Variants in DHRS9 observed in about 807,000 individuals in gnomAD.
The protein encoded by DHRS9 is dehydrogenase/reductase SDR family member 9.
In DHRS9, 18 loss-of-function variants were observed where a neutral mutation model predicts 26.6. The observed-to-expected ratio is 0.68, with a 90% CI of 0.47 to 1.00. The LOEUF (loss-of-function observed/expected upper bound fraction) is 1.00, where lower values mean the gene tolerates loss of function less well. Among genes scored for constraint, DHRS9 ranks in the 50% least tolerant of loss-of-function variants. The pLI is 0.00. For synonymous variants in DHRS9, 134 were observed against 141.1 expected, an observed-to-expected ratio of 0.95 and a Z score of 0.36; for missense variants, 425 against 378.7, an observed-to-expected ratio of 1.12 and a Z score of -1.01.
At chr2:169,071,148 A>G (rs1423650250) in intron 1 of DHRS9, among the ~76,000 whole-genome samples, 3 of 152,202 alleles carry the variant, frequency 2.0e-5, no homozygotes, top group Non-Finnish European at 4.4e-5. Context: ...TGAAGTTTTA[A>G]ACACACTTTT....
intron 1 of DHRS9, chr2:169,074,589 A>C (rs1683909304): frequency 6.3e-6 from 2 of 318,064 alleles, no homozygotes; most frequent in South Asian, 1.2e-4. Flanking sequence ...TTTATTTCTC[A>C]GTGGTCAATG....
At chr2:169,092,548 G>C (rs1488222562) in intron 4 of DHRS9, among the ~76,000 whole-genome samples, 1 of 152,240 alleles carries the variant, frequency 6.6e-6, no homozygotes. Flanking sequence ...AATGGTGCTA[G>C]ATGGTGTGGT....
At position 169,075,010 on chromosome 2, in the gene DHRS9, A is replaced by G. The variant is rs532584914; in HGVS notation, c.-60+5293A>G. 2.0e-5 allele frequency among the ~76,000 whole-genome samples: 3 copies of G among 152,278 alleles called. No homozygotes were observed. The East Asian group carries it at 5.8e-4, about 29-fold the overall frequency. On this transcript the variant is annotated intron_variant, in intron 1 of 4. Transcript: ENST00000674881. Reference sequence around the variant, plus strand: ...GGGGGAAGCAGAATGGACAAGGAGTAAAGAGGGAATCCAACTACTTAGATT... The same window carrying G: ...GGGGGAAGCAGAATGGACAAGGAGTGAAGAGGGAATCCAACTACTTAGATT...
chr2:169,089,177 G>A (rs1684443455), intron 3 of DHRS9, among the ~76,000 whole-genome samples: 1 of 152,238 alleles, frequency 6.6e-6, no homozygotes, highest in African/African-American at 2.4e-5. Flanking sequence ...ATACAATCTA[G>A]GGGCTAATGA....
chr2:169,078,101 G>T (rs1299403290), intron 1 of DHRS9, among the ~76,000 whole-genome samples: 1 of 152,214 alleles, frequency 6.6e-6, no homozygotes, highest in African/African-American at 2.4e-5. Flanking sequence ...TCCTATAGTG[G>T]AAGGACACAG....
intron 1 of DHRS9, among the ~76,000 whole-genome samples, chr2:169,071,063 C>G (rs921668738): frequency 1.5e-5 from 2 of 133,134 alleles, no homozygotes; most frequent in African/African-American, 5.6e-5. Flanking sequence ...GACTCCGTCT[C>G]AAAAAAAAAA....
At chr2:169,079,506 A>C (rs1047835032) in intron 1 of DHRS9, among the ~76,000 whole-genome samples, 1 of 152,272 alleles carries the variant, frequency 6.6e-6, no homozygotes, top group South Asian at 2.1e-4. Flanking sequence ...AGCAGAAAAA[A>C]ATAAATGATT....
At chr2:169,088,542 G>A (rs1684422846) in intron 3 of DHRS9, among the ~76,000 whole-genome samples, 1 of 152,066 alleles carries the variant, frequency 6.6e-6, no homozygotes, top group Non-Finnish European at 1.5e-5. Flanking sequence ...TGTTCCTGTG[G>A]GGAGGATGAT....
chr2:169,073,657 C>G (rs1274868922), intron 1 of DHRS9, among the ~76,000 whole-genome samples: 2 of 152,126 alleles, frequency 1.3e-5, no homozygotes, highest in African/African-American at 4.8e-5. Context: ...ATATCAGCCT[C>G]TTATCCTCCT....
At chr2:169,091,994 G>T (rs772047145) in intron 4 of DHRS9, 41 bp downstream of exon 4, 4 of 1,597,272 alleles carry the variant, frequency 2.5e-6, no homozygotes. Context: ...AGAATTCTTT[G>T]TCCTGAACAG....
chr2:169,084,362 G>A (rs533325344), intron 3 of DHRS9, among the ~76,000 whole-genome samples: 2 of 152,130 alleles, frequency 1.3e-5, no homozygotes, highest in Non-Finnish European at 2.9e-5. Context: ...ACCCAGCAGC[G>A]GTATTGCTGG....
chr2:169,093,143 T>C (rs1008372481), intron 4 of DHRS9, among the ~76,000 whole-genome samples: 69 of 152,062 alleles, frequency 4.5e-4, no homozygotes, highest in African/African-American at 1.6e-3. Flanking sequence ...TTGAGCAGGG[T>C]TCCACCTAAC....
chr2:169,075,934 C>G (rs145153572), intron 1 of DHRS9, among the ~76,000 whole-genome samples: 2 of 152,258 alleles, frequency 1.3e-5, no homozygotes, highest in East Asian at 1.9e-4. Context: ...CCATTATTCT[C>G]TCTTTAATTT....
intron 1 of DHRS9, among the ~76,000 whole-genome samples, chr2:169,077,766 T>G (rs1419330288): frequency 6.6e-6 from 1 of 152,178 alleles, no homozygotes; most frequent in Admixed American, 6.5e-5. Flanking sequence ...TAGGGGCTGG[T>G]AACCCAGTTT....
rs559631113 is a variant in DHRS9 at position 169,094,841 on chromosome 2, C to T, written c.737-703C>T. Among the ~76,000 whole-genome samples the T allele has an allele frequency of 2.0e-5, 3 of 152,294 alleles. No individual in the cohort carries two copies. The East Asian group carries it at 5.8e-4, about 29-fold the overall frequency. ...AAAAGACTGGGGTTGTAATCCACCA[C>T]TAATCCCTTGTAAAATCCCTGCCTC... On this transcript the variant is annotated intron_variant, in intron 4 of 4. Coordinates refer to ENST00000674881, the MANE Select transcript of DHRS9 (RefSeq NM_001376924.1).
At chr2:169,078,483 AGC>A (rs1684032354) in intron 1 of DHRS9, among the ~76,000 whole-genome samples, 1 of 152,260 alleles carries the variant, frequency 6.6e-6, no homozygotes, top group African/African-American at 2.4e-5. Context: ...GCCAGATTTG[AGC>A]AAAACGCTAT....
At chr2:169,072,491 A>G in intron 1 of DHRS9, 1 of 490,134 alleles carries the variant, frequency 2.0e-6, no homozygotes, top group Non-Finnish European at 2.7e-6. Flanking sequence ...CTTTTTTTTA[A>G]ACTGTGTCAT....
intron 1 of DHRS9, among the ~76,000 whole-genome samples, chr2:169,077,249 G>A (rs191965048): frequency 8.1e-4 from 124 of 152,270 alleles, no homozygotes; most frequent in African/African-American, 2.8e-3. Flanking sequence ...TTTGGAGTAC[G>A]TCCTAGGAAA....
rs116606811 is a variant in DHRS9, at chr2:169,089,293, A to G, written c.573-2497A>G. On this transcript the variant is annotated intron_variant, in intron 3 of 4. Coordinates refer to ENST00000674881, the MANE Select transcript of DHRS9 (RefSeq NM_001376924.1). ...TGTTTTCAGTTAAGGGATAAAAATAACCAGTGTTGACACCACAGGAGGATA... is the reference window on the plus strand; with the variant it reads ...TGTTTTCAGTTAAGGGATAAAAATAGCCAGTGTTGACACCACAGGAGGATA... Among the ~76,000 whole-genome samples, 116 of 152,272 alleles carry G rather than the reference A, an allele frequency of 7.6e-4. 1 individual carries two copies. The highest frequency in any genetic ancestry group is 2.6e-3 in the African/African-American group (108 of 41,546).
Sources: allele counts gnomAD v4.1 joint callset (sites outside exome capture counted in the v4.1 genomes callset), GRCh38; gene constraint gnomAD v4.1.1; transcripts MANE v1.5; gene names NCBI Gene and HGNC (gene_info 2026-07-23, HGNC 2026-07-21).